Variants in CTNND2 observed in about 807,000 individuals in gnomAD.
The protein encoded by CTNND2 is catenin delta-2.
Under a neutral mutation model 144.4 loss-of-function variants are expected in CTNND2, and 22 were observed. The observed-to-expected ratio is 0.15, with a 90% CI of 0.11 to 0.22. The LOEUF (loss-of-function observed/expected upper bound fraction) is 0.22. Among genes scored for constraint, CTNND2 ranks in the 10% least tolerant of loss-of-function variants. The probability of loss-of-function intolerance (pLI) is 1.00; values close to 1 mark genes in which losing one functional copy is unlikely to be tolerated. For synonymous variants in CTNND2, 751 were observed against 695.6 expected (o/e 1.08, Z -1.25); for missense variants, 1,353 against 1,618.8 (o/e 0.84, Z 2.82).
chr5:11,499,901 C>A (rs998700050), intron 3 of CTNND2, among the ~76,000 whole-genome samples: 1 of 152,064 alleles, frequency 6.6e-6, no homozygotes, highest in Middle Eastern at 3.4e-3. Flanking sequence ...TCTGGGTTTG[C>A]CAATTACTTC....
At chr5:11,303,712 C>T (rs929340205) in intron 9 of CTNND2, among the ~76,000 whole-genome samples, 1 of 152,150 alleles carries the variant, frequency 6.6e-6, no homozygotes, top group Non-Finnish European at 1.5e-5. Context: ...GGAAACCAAC[C>T]CAGCTGTTTC....
intron 3 of CTNND2, among the ~76,000 whole-genome samples, chr5:11,544,569 G>A (rs1379408505): frequency 6.6e-6 from 1 of 152,234 alleles, no homozygotes; most frequent in Non-Finnish European, 1.5e-5. Flanking sequence ...TATGCAAATT[G>A]TGTTACATCC....
At chr5:11,617,251 G>A (rs1780623275) in intron 2 of CTNND2, among the ~76,000 whole-genome samples, 1 of 152,118 alleles carries the variant, frequency 6.6e-6, no homozygotes, top group Non-Finnish European at 1.5e-5. Flanking sequence ...ACTGATGTTG[G>A]CTTTGAGTCA....
chr5:11,617,474 T>G (rs1387721483), intron 2 of CTNND2, among the ~76,000 whole-genome samples: 2 of 152,218 alleles, frequency 1.3e-5, no homozygotes, highest in East Asian at 3.8e-4. Context: ...TCATCATATA[T>G]TAACTATGTA....
intron 1 of CTNND2, among the ~76,000 whole-genome samples, chr5:11,819,339 C>T (rs1425917181): frequency 6.6e-6 from 1 of 152,078 alleles, no homozygotes; most frequent in East Asian, 1.9e-4. Flanking sequence ...GAGGCTGAGG[C>T]AGGAGAATCA....
chr5:11,574,617 A>C (rs1253846985), intron 2 of CTNND2, among the ~76,000 whole-genome samples: 2 of 152,170 alleles, frequency 1.3e-5, no homozygotes, highest in Non-Finnish European at 1.5e-5. Flanking sequence ...TATTATGTCC[A>C]ACCACAGAAA....
At chr5:10,996,354 G>A (rs1263830858) in intron 18 of CTNND2, among the ~76,000 whole-genome samples, 6 of 152,084 alleles carry the variant, frequency 3.9e-5, no homozygotes, top group African/African-American at 1.4e-4. Context: ...CTTCACAGGT[G>A]CTGGGGGTTT....
At chr5:11,665,748 G>A (rs537227028) in intron 2 of CTNND2, among the ~76,000 whole-genome samples, 4 of 152,104 alleles carry the variant, frequency 2.6e-5, no homozygotes, top group Non-Finnish European at 5.9e-5. Flanking sequence ...GGGGCCAGTT[G>A]AATCACAGGA....
At chr5:11,085,089 C>T (rs1376377121) in intron 15 of CTNND2, among the ~76,000 whole-genome samples, 1 of 152,086 alleles carries the variant, frequency 6.6e-6, no homozygotes, top group East Asian at 1.9e-4. Context: ...ACTAGCCACA[C>T]CCCCCAATGC....
Position 11,290,114 on chromosome 5 carries a change from T to C in CTNND2, c.1629-53291A>G, listed in dbSNP as rs116016989. Among the ~76,000 whole-genome samples the C allele has an allele frequency of 2.5e-3, 381 of 152,310 alleles. 1 individual carries two copies. The highest frequency in any genetic ancestry group is 8.7e-3 in the African/African-American group (362 of 41,574). On this transcript the variant is annotated intron_variant, in intron 9 of 21. Coordinates refer to ENST00000304623, the MANE Select transcript of CTNND2 (RefSeq NM_001332.4). ...CTAAGGAATGTTTACTTCATACTCCTAAAGAGTGGAGAATAGCAGCATTTT... is the reference window on the plus strand; with the variant it reads ...CTAAGGAATGTTTACTTCATACTCCCAAAGAGTGGAGAATAGCAGCATTTT...
intron 12 of CTNND2, among the ~76,000 whole-genome samples, chr5:11,125,175 T>G (rs1754554948): frequency 6.6e-6 from 1 of 152,182 alleles, no homozygotes; most frequent in Admixed American, 6.5e-5. Context: ...CCACTGGGTC[T>G]GCTGACTCCA....
chr5:11,045,450 C>T (rs1182923725), intron 16 of CTNND2, among the ~76,000 whole-genome samples: 1 of 152,188 alleles, frequency 6.6e-6, no homozygotes, highest in African/African-American at 2.4e-5. Context: ...CTCATTAAGG[C>T]ACCAAGCCAT....
intron 16 of CTNND2, among the ~76,000 whole-genome samples, chr5:11,062,349 C>A (rs1168447774): frequency 6.6e-6 from 1 of 152,208 alleles, no homozygotes; most frequent in African/African-American, 2.4e-5. Context: ...ATACTGTACT[C>A]ATTGTCCCAA....
In CTNND2 at chr5:11,319,924, T is replaced by A. The variant is rs1467452101; in HGVS notation, c.1628+26448A>T. ...TAGCCTGTCATATTTTAGTGTGAAA[T>A]GCATAACGTGTTTCCTGTTTCCATG... On this transcript the variant is annotated intron_variant, in intron 9 of 21. Transcript: ENST00000304623. Among the ~76,000 whole-genome samples, 4 of 152,340 alleles carry A rather than the reference T, an allele frequency of 2.6e-5. 1 individual carries two copies. The highest frequency in any genetic ancestry group is 1.9e-4 in the East Asian group (1 of 5,190).
intron 6 of CTNND2, among the ~76,000 whole-genome samples, chr5:11,395,910 T>A (rs1290695739): frequency 6.6e-6 from 1 of 152,224 alleles, no homozygotes; most frequent in Non-Finnish European, 1.5e-5. Context: ...TGCATTCATT[T>A]TTTGGGGCCA....
At chr5:11,889,425 A>G (rs976749487) in intron 1 of CTNND2, among the ~76,000 whole-genome samples, 12 of 152,348 alleles carry the variant, frequency 7.9e-5, no homozygotes, top group Admixed American at 3.9e-4. Context: ...CTCATTCTAA[A>G]TTAGTGTTTG....
At chr5:11,161,513 T>C (rs1978156) in intron 11 of CTNND2, among the ~76,000 whole-genome samples, 102,115 of 152,056 alleles carry the variant, frequency 0.67, 34,384 homozygotes, top group East Asian at 0.87. Flanking sequence ...CATTGAGAAA[T>C]GTTTTGCCAA....
At chr5:11,399,424 G>C (rs1011028509) in intron 5 of CTNND2, among the ~76,000 whole-genome samples, 1 of 152,226 alleles carries the variant, frequency 6.6e-6, no homozygotes, top group Non-Finnish European at 1.5e-5. Context: ...GTCTTTCAAA[G>C]AGAATGCAGG....
chr5:11,384,343 A>G lies in CTNND2; in HGVS notation c.1177+322T>C, dbSNP rs1016765938. ...TTTTCTGGATACCATCAACAGGTCT[A>G]TGGGATGCTTTCCTAAATGTGTCTT... is the stretch of plus-strand genomic sequence containing the variant. On this transcript the variant is annotated intron_variant, in intron 7 of 21. Coordinates refer to ENST00000304623, the MANE Select transcript of CTNND2 (RefSeq NM_001332.4). This position sits in a 1 kb window ranked among gnomAD's most constrained non-coding sequence, Gnocchi z 5.2. Among the ~76,000 whole-genome samples, 3 of 152,174 alleles carry G rather than the reference A, an allele frequency of 2.0e-5. No homozygotes were observed. The highest frequency in any genetic ancestry group is 4.4e-5 in the Non-Finnish European group (3 of 68,018).
Sources: allele counts gnomAD v4.1 joint callset (sites outside exome capture counted in the v4.1 genomes callset), GRCh38; gene constraint gnomAD v4.1.1; non-coding constraint Gnocchi (gnomAD v3.1); transcripts MANE v1.5; gene names NCBI Gene and HGNC (gene_info 2026-07-23, HGNC 2026-07-21).